Variants in NRXN1 observed in about 807,000 individuals in gnomAD.
The protein encoded by NRXN1 is neurexin 1.
In NRXN1, 39 loss-of-function variants were observed where a neutral mutation model predicts 150.9. The observed-to-expected ratio is 0.26, with a 90% confidence interval of 0.20 to 0.34. The LOEUF is 0.34. Ranked by LOEUF, NRXN1 falls within the 10% of genes least tolerant of loss-of-function variation. The pLI is 1.00. For missense variants in NRXN1, 1,815 were observed against 1,949.9 expected, an observed-to-expected ratio of 0.93 and a Z score of 1.30; for synonymous variants, 924 against 757.0, an observed-to-expected ratio of 1.22 and a Z score of -3.62.
chr2:50,555,992 G>A (rs1402528712), intron 8 of NRXN1, among the ~76,000 whole-genome samples: 1 of 152,112 alleles, frequency 6.6e-6, no homozygotes, highest in Non-Finnish European at 1.5e-5. Flanking sequence ...TTGTAGGTAA[G>A]AACTATCTCC....
intron 2 of NRXN1, among the ~76,000 whole-genome samples, chr2:50,958,676 A>G (rs1006597390): frequency 6.6e-6 from 1 of 151,938 alleles, no homozygotes; most frequent in Non-Finnish European, 1.5e-5. Flanking sequence ...TAGTCTGGAT[A>G]CCTCTTAGTT....
Position 50,954,709 on chromosome 2 carries a change from G to A in NRXN1, c.773-28754C>T, listed in dbSNP as rs72874504. On this transcript the variant is annotated intron_variant, in intron 2 of 22. Coordinates refer to ENST00000401669, the MANE Select transcript of NRXN1 (RefSeq NM_001330078.2). ...TTGGTCAGAGGGCCTGGCATGCAAA[G>A]CTTACTTCCAGTTCTTTATAAACTG... 2.2e-3 allele frequency among the ~76,000 whole-genome samples: 333 copies of A among 152,280 alleles called. 2 individuals are homozygous for A. The highest frequency in any genetic ancestry group is 7.8e-3 in the African/African-American group (324 of 41,552).
intron 8 of NRXN1, among the ~76,000 whole-genome samples, chr2:50,613,906 C>A (rs1192313444): frequency 6.6e-6 from 1 of 152,124 alleles, no homozygotes; most frequent in South Asian, 2.1e-4. Context: ...CCACTGCACT[C>A]CAGCCTGGGT....
intron 5 of NRXN1, among the ~76,000 whole-genome samples, chr2:50,735,376 G>T (rs538429475): frequency 6.6e-6 from 1 of 151,960 alleles, no homozygotes; most frequent in African/African-American, 2.4e-5. Context: ...GTAATGAAAC[G>T]TACCAAGAAC....
intron 18 of NRXN1, among the ~76,000 whole-genome samples, chr2:50,135,323 A>T (rs2152752031): frequency 6.6e-6 from 1 of 152,340 alleles, no homozygotes; most frequent in East Asian, 1.9e-4. Context: ...AATAGACGAA[A>T]GGTTTTAGGG....
chr2:50,959,346 A>C (rs954953110), intron 2 of NRXN1, among the ~76,000 whole-genome samples: 2 of 152,104 alleles, frequency 1.3e-5, no homozygotes, highest in Admixed American at 1.3e-4. Flanking sequence ...TAAAATATGG[A>C]AACAACCCAA....
intron 19 of NRXN1, among the ~76,000 whole-genome samples, chr2:50,090,515 A>G (rs116109367): frequency 0.014 from 2,110 of 152,216 alleles, 46 homozygotes; most frequent in African/African-American, 0.042. Context: ...GCAGTAAAAT[A>G]TCTTTATACT....
intron 17 of NRXN1, among the ~76,000 whole-genome samples, chr2:50,298,978 C>T (rs879824985): frequency 2.2e-4 from 33 of 152,210 alleles, no homozygotes; most frequent in South Asian, 8.3e-4. Context: ...TCCATAGATA[C>T]GAAATTTTCA....
At position 50,840,152 on chromosome 2, in the gene NRXN1, C is replaced by T. The variant is rs759541; in HGVS notation, c.832+81717G>A. ...TGATATATAGTCTCATTATTTAGAT[C>T]ATTATCTCTACATAATAGTTACAAA... On this transcript the variant is annotated intron_variant, in intron 5 of 22. Coordinates refer to ENST00000401669, the MANE Select transcript of NRXN1 (RefSeq NM_001330078.2). Among the ~76,000 whole-genome samples, 1,118 of 152,192 alleles carry T rather than the reference C, an allele frequency of 7.3e-3. 11 individuals are homozygous for T. Among genetic ancestry groups the T allele is most frequent in the Middle Eastern group, 0.02 (6 of 294 alleles).
At chr2:50,908,983 A>G (rs958543158) in intron 5 of NRXN1, among the ~76,000 whole-genome samples, 6 of 152,106 alleles carry the variant, frequency 3.9e-5, no homozygotes, top group Non-Finnish European at 8.8e-5. Context: ...TTTTCTTTAT[A>G]ACTTACACAT....
intron 19 of NRXN1, among the ~76,000 whole-genome samples, chr2:50,082,270 C>T (rs1698083099): frequency 6.6e-6 from 1 of 152,176 alleles, no homozygotes; most frequent in Non-Finnish European, 1.5e-5. Flanking sequence ...TATCTTTAGC[C>T]ACACTTATTT....
intron 21 of NRXN1, among the ~76,000 whole-genome samples, chr2:49,987,318 T>G (rs1370683857): frequency 6.6e-6 from 1 of 152,166 alleles, no homozygotes; most frequent in Non-Finnish European, 1.5e-5. Flanking sequence ...TGAAAAGGTC[T>G]TACAACACTC....
intron 18 of NRXN1, among the ~76,000 whole-genome samples, chr2:50,211,444 A>C (rs569651371): frequency 2.6e-5 from 4 of 151,750 alleles, no homozygotes; most frequent in Admixed American, 2.0e-4. Context: ...AAGATGATTA[A>C]ATTCCTATAT....
chr2:50,045,777 A>G (rs1040826677), intron 21 of NRXN1, among the ~76,000 whole-genome samples: 1 of 152,134 alleles, frequency 6.6e-6, no homozygotes, highest in Non-Finnish European at 1.5e-5. Context: ...GGAAGTGCCA[A>G]CTTCACCAGT....
At chr2:50,926,409 T>C (rs1686895201) in intron 2 of NRXN1, among the ~76,000 whole-genome samples, 1 of 152,010 alleles carries the variant, frequency 6.6e-6, no homozygotes, top group African/African-American at 2.4e-5. Context: ...ATTCCAGTTC[T>C]ACCAAATATA....
Position 49,920,176 on chromosome 2 carries a change from A to G in NRXN1, c.*1768T>C, listed in dbSNP as rs528924603. The stretch of plus-strand genomic sequence containing the variant: ...TCCACTACTTAATGTGTTAAACTAA[A>G]ACTATATTTAATGATATATATGTAA... On this transcript the variant is annotated 3_prime_UTR_variant, in exon 23 of 23. Coordinates refer to ENST00000401669, the MANE Select transcript of NRXN1 (RefSeq NM_001330078.2). 4 of 152,290 alleles carry G rather than the reference A, an allele frequency of 2.6e-5. No individual in the cohort carries two copies. In the East Asian group the frequency reaches 7.7e-4, roughly 29 times the overall value. 9.4% of individuals were successfully genotyped at this position (152,290 alleles called of 1,614,324 possible). A position where few individuals can be genotyped will look rare whatever the true frequency, so the allele number is the denominator to read the frequency against.
intron 17 of NRXN1, among the ~76,000 whole-genome samples, chr2:50,446,536 T>C (rs1573001483): frequency 8.1e-6 from 1 of 123,602 alleles, no homozygotes. Flanking sequence ...CTTCCTTCCT[T>C]CCCTCCCTTC....
intron 17 of NRXN1, among the ~76,000 whole-genome samples, chr2:50,432,085 C>T (rs763045535): frequency 3.0e-4 from 46 of 152,226 alleles, no homozygotes; most frequent in African/African-American, 7.0e-4. Context: ...TAGCAATTTG[C>T]GGAGAAGACT....
chr2:50,225,216 C>T (rs1330573510), intron 18 of NRXN1, among the ~76,000 whole-genome samples: 1 of 151,926 alleles, frequency 6.6e-6, no homozygotes, highest in Non-Finnish European at 1.5e-5. Flanking sequence ...GGAGTGAGCG[C>T]CTGCATGACA....
Sources: allele counts gnomAD v4.1 joint callset (sites outside exome capture counted in the v4.1 genomes callset), GRCh38; gene constraint gnomAD v4.1.1; transcripts MANE v1.5; gene names NCBI Gene and HGNC (gene_info 2026-07-23, HGNC 2026-07-21).